Variants in SGTA observed in about 807,000 individuals in gnomAD.
SGTA encodes the protein small glutamine rich tetratricopeptide repeat co-chaperone alpha.
SGTA carries 22 observed loss-of-function variants against 44.3 expected under a neutral mutation model. That is an observed-to-expected ratio of 0.50 (90% CI 0.36 to 0.71). The LOEUF is 0.71. Among genes scored for constraint, SGTA ranks in the 30% least tolerant of loss-of-function variants. SGTA has a pLI of 0.00. For synonymous variants in SGTA, 174 were observed against 177.6 expected (o/e 0.98, Z 0.16); for missense variants, 341 against 435.9 (o/e 0.78, Z 1.94).
intron 8 of SGTA, among the ~76,000 whole-genome samples, chr19:2,760,946 G>C (rs368662852): frequency 1.3e-5 from 2 of 152,312 alleles, no homozygotes; most frequent in Admixed American, 6.5e-5. Flanking sequence ...ATGGCTCTCC[G>C]AGGATCCCAG....
chr19:2,781,068 G>T (rs1164135774), intron 1 of SGTA, among the ~76,000 whole-genome samples: 1 of 152,206 alleles, frequency 6.6e-6, no homozygotes, highest in African/African-American at 2.4e-5. Context: ...GGGCGACAGA[G>T]CAAGACCCTA....
chr19:2,779,810 C>T (rs1202252625), intron 1 of SGTA, among the ~76,000 whole-genome samples: 2 of 152,190 alleles, frequency 1.3e-5, no homozygotes, highest in East Asian at 3.9e-4. Context: ...CGGTGGCTCA[C>T]ACCTGTAATC....
chr19:2,757,748 A>C lies in SGTA; in HGVS notation c.772T>G (p.Leu258Val). ...SGMISGGNNP[L>V]GTPGTSPSQN... ...GAGGGGCTGGTGCCGGGAGTTCCCA[A>C]GGGGTTGTTGCCACCCGAAATCATG... is the stretch of plus-strand genomic sequence containing the variant. The change falls in exon 10 of 12, where the codon TTG becomes GTG. Residue 258 changes from leucine (L) to valine (V), a missense_variant. Coordinates refer to ENST00000221566, the MANE Select transcript of SGTA (RefSeq NM_003021.4). 6.2e-7 allele frequency: 1 copy of C among 1,604,504 alleles called. No individual in the cohort carries two copies. Among genetic ancestry groups the C allele is most frequent in the Non-Finnish European group, 8.5e-7 (1 of 1,176,062 alleles).
chr19:2,774,434 G>A (rs1231135936), intron 1 of SGTA, among the ~76,000 whole-genome samples: 1 of 152,156 alleles, frequency 6.6e-6, no homozygotes, highest in Non-Finnish European at 1.5e-5. Flanking sequence ...CTGCCCGAGG[G>A]GCAGCTTCTT....
Position 2,761,952 on chromosome 19 carries a change from G to C in SGTA, c.637-430C>G, listed in dbSNP as rs1162871943. On this transcript the variant is annotated intron_variant, in intron 7 of 11. Coordinates refer to ENST00000221566, the MANE Select transcript of SGTA (RefSeq NM_003021.4). The surrounding 1 kb of genome is among the most constrained non-coding windows in gnomAD (Gnocchi z 5.7). The stretch of plus-strand genomic sequence containing the variant: ...CCGTGTTGATTTCCTGTATTCTGCC[G>C]CTTTGACACCTTGGGGCCTTGCTGG... 3.3e-5 allele frequency among the ~76,000 whole-genome samples: 5 copies of C among 152,184 alleles called. No individual in the cohort carries two copies. Among genetic ancestry groups the C allele is most frequent in the Non-Finnish European group, 7.4e-5 (5 of 68,022 alleles).
intron 8 of SGTA, 155 bp from the exon 9 acceptor site, chr19:2,759,449 T>C (rs1391204016): frequency 4.5e-6 from 3 of 668,170 alleles, no homozygotes; most frequent in Admixed American, 2.7e-5. Context: ...CCCTTTTCCC[T>C]ACATTTTCGC....
rs1915174746 is a variant in SGTA, at chr19:2,767,357, C to T, written c.208-137G>A. 1.3e-5 allele frequency: 10 copies of T among 747,608 alleles called. No individual in the cohort carries two copies. In the East Asian group the frequency reaches 1.3e-4, roughly 10 times the overall value. The allele number at this position is 747,608 out of a possible 1,614,324, so 46.3% of individuals were successfully genotyped here. On this transcript the variant is annotated intron_variant, in intron 3 of 11. Coordinates refer to ENST00000221566, the MANE Select transcript of SGTA (RefSeq NM_003021.4). The surrounding 1 kb of genome is among the most constrained non-coding windows in gnomAD (Gnocchi z 7.3). ...GGGCTCTGCAGGGGACTCCTGGCCC[C>T]CCATCATGTGGCCCTGGGCGAGTGA...
chr19:2,758,855 T>A (rs574330096), intron 9 of SGTA, among the ~76,000 whole-genome samples: 29 of 152,294 alleles, frequency 1.9e-4, no homozygotes. Flanking sequence ...CTTGAGGACG[T>A]CACGCTCAGT....
At chr19:2,775,352 A>G (rs1400797308) in intron 1 of SGTA, among the ~76,000 whole-genome samples, 1 of 152,214 alleles carries the variant, frequency 6.6e-6, no homozygotes, top group Non-Finnish European at 1.5e-5. Context: ...GCCTGACCGC[A>G]TAACCCACCC....
intron 1 of SGTA, among the ~76,000 whole-genome samples, chr19:2,781,543 A>AGTTT (rs1915575914): frequency 6.6e-6 from 1 of 152,208 alleles, no homozygotes; most frequent in Non-Finnish European, 1.5e-5. Context: ...CCTTCTGGTC[A>AGTTT]GTTTGCTGAT....
chr19:2,769,761 C>T (rs1915248362), intron 1 of SGTA, among the ~76,000 whole-genome samples: 2 of 148,032 alleles, frequency 1.4e-5, no homozygotes, highest in African/African-American at 2.5e-5. Flanking sequence ...AGTTCCCCCT[C>T]GGACACCCTC....
Position 2,761,189 on chromosome 19 carries a change from A to C in SGTA, c.699+271T>G, listed in dbSNP as rs1458342283. ...CCAGGAGAGCCAGCTTTTGGTGCTC[A>C]CTACTGATGGGTCTTGCTTGGGACA... On this transcript the variant is annotated intron_variant, in intron 8 of 11. Transcript: ENST00000221566. The surrounding 1 kb of genome is among the most constrained non-coding windows in gnomAD (Gnocchi z 5.7). Among the ~76,000 whole-genome samples, 1 of 152,126 alleles carries C rather than the reference A, an allele frequency of 6.6e-6. No individual in the cohort carries two copies.
chr19:2,769,941 GGTTCCCCCCTCGGACACCCGCCTA>G (rs1157538054), intron 1 of SGTA, among the ~76,000 whole-genome samples: 2 of 91,432 alleles, frequency 2.2e-5, no homozygotes, highest in East Asian at 6.1e-4. Flanking sequence ...ACACCCGCCT[GGTTCCCCCCTCGGACACCCGCCTA>G]GTTCCCCCCT....
chr19:2,759,023 G>A (rs140783612), intron 9 of SGTA, among the ~76,000 whole-genome samples: 10 of 152,198 alleles, frequency 6.6e-5, no homozygotes, highest in African/African-American at 2.2e-4. Flanking sequence ...GGCTTCTTTC[G>A]GAGGTGATGA....
intron 10 of SGTA, 70 bp downstream of exon 10, chr19:2,757,623 C>T (rs1431660851): frequency 1.4e-6 from 2 of 1,454,178 alleles, no homozygotes; most frequent in East Asian, 4.9e-5. Context: ...TCGCTCTCCT[C>T]CTTCCCTTCC....
Position 2,754,833 on chromosome 19 carries a change from C to G in SGTA, c.*1107G>C, listed in dbSNP as rs1914774055. 6.6e-6 allele frequency: 1 copy of G among 152,268 alleles called. No individual in the cohort carries two copies. The highest frequency in any genetic ancestry group is 6.5e-5 in the Admixed American group (1 of 15,284). 9.4% of individuals were successfully genotyped at this position (152,268 alleles called of 1,614,324 possible). ...GCGGCGGCCCCCGTTCCTACTGCTACCTACGATACACGGTACTGCGCCTAC... is the reference window on the plus strand; with the variant it reads ...GCGGCGGCCCCCGTTCCTACTGCTAGCTACGATACACGGTACTGCGCCTAC... On this transcript the variant is annotated 3_prime_UTR_variant, in exon 12 of 12. Transcript: ENST00000221566. The surrounding 1 kb of genome is among the most constrained non-coding windows in gnomAD (Gnocchi z 4.4).
chr19:2,776,329 C>T (rs1915444574), intron 1 of SGTA, among the ~76,000 whole-genome samples: 1 of 152,254 alleles, frequency 6.6e-6, no homozygotes, highest in South Asian at 2.1e-4. Flanking sequence ...AGTGGATCAA[C>T]ACAATGTGGC....
Position 2,767,081 on chromosome 19 carries a change from A to G in SGTA, c.292+55T>C, listed in dbSNP as rs2144729107. 1 of 1,353,426 alleles carries G rather than the reference A, an allele frequency of 7.4e-7. No individual in the cohort carries two copies. The allele number at this position is 1,353,426 out of a possible 1,614,324, so 83.8% of individuals were successfully genotyped here. On this transcript the variant is annotated intron_variant, in intron 4 of 11. Transcript: ENST00000221566. The surrounding 1 kb of genome is among the most constrained non-coding windows in gnomAD (Gnocchi z 7.3). ...CAGCTGGCCTCTGCGAGGGTCCCAC[A>G]GCCCCGGAGTCCAGGTAGGGCGAGG...
At position 2,765,200 on chromosome 19, in the gene SGTA, G is replaced by A. The variant is rs1329839917; in HGVS notation, c.378C>T (p.Val126=). The stretch of plus-strand genomic sequence containing the variant: ...TGAGCTGGTACCTGTTGCAGAAATA[G>A]ACGGCGTTGGCTGGGTTGAGCTCGA... ...KAIELNPANA[V]YFCNRAAAYS... is the part of the protein sequence containing the mutation. Residue 126 remains valine, a synonymous_variant, in exon 5 of 12, where the codon GTC becomes GTT. Coordinates refer to ENST00000221566, the MANE Select transcript of SGTA (RefSeq NM_003021.4). This position sits in a 1 kb window ranked among gnomAD's most constrained non-coding sequence, Gnocchi z 5.5. 6.2e-7 allele frequency: 1 copy of A among 1,613,894 alleles called. No individual in the cohort carries two copies. Among genetic ancestry groups the A allele is most frequent in the African/African-American group, 1.3e-5 (1 of 74,918 alleles).
Sources: gnomAD v4.1 joint callset for allele counts (sites outside exome capture counted in the v4.1 genomes callset) on GRCh38, gnomAD v4.1.1 for gene constraint, Gnocchi (gnomAD v3.1) non-coding constraint, MANE v1.5 for transcripts, NCBI Gene and HGNC (gene_info 2026-07-23, HGNC 2026-07-21) for gene names.